The following DUSP4 variants were observed in gnomAD, a reference collection of about 807,000 sequenced individuals.
DUSP4 encodes the protein dual specificity phosphatase 4.
DUSP4 carries 12 observed loss-of-function variants against 27.2 expected under a neutral mutation model. The observed-to-expected ratio is 0.44, with a 90% CI of 0.28 to 0.71. The LOEUF (loss-of-function observed/expected upper bound fraction) is 0.71, where lower values mean the gene tolerates loss of function less well. Ranked by LOEUF, DUSP4 falls within the 30% of genes least tolerant of loss-of-function variation. The pLI, the probability that DUSP4 is intolerant of heterozygous loss-of-function variation, is 0.14. For missense variants in DUSP4, 448 were observed against 551.3 expected (o/e 0.81, Z 1.88); for synonymous variants, 257 against 245.2 (o/e 1.05, Z -0.45).
At chr8:29,346,653 C>G (rs1435446355) in intron 1 of DUSP4, among the ~76,000 whole-genome samples, 1 of 152,174 alleles carries the variant, frequency 6.6e-6, no homozygotes, top group Admixed American at 6.5e-5. Context: ...AAATCCTTTA[C>G]TAGCAAAGAT....
At chr8:29,348,217 G>A in intron 1 of DUSP4, 2 of 985,660 alleles carry the variant, frequency 2.0e-6, no homozygotes, top group Non-Finnish European at 2.4e-6. Flanking sequence ...GCAGCGCCGT[G>A]CGGGGAACAT....
At chr8:29,338,218 C>T in intron 3 of DUSP4, 64 bp downstream of exon 3, 1 of 1,549,022 alleles carries the variant, frequency 6.5e-7, no homozygotes, top group Non-Finnish European at 8.9e-7. Context: ...CCCAGGCTTA[C>T]AGGGGTTCCT....
At chr8:29,349,610 C>T (rs1817790869) in intron 1 of DUSP4, among the ~76,000 whole-genome samples, 1 of 152,234 alleles carries the variant, frequency 6.6e-6, no homozygotes, top group East Asian at 1.9e-4. Context: ...CTCGCTAGGA[C>T]GGTGCGGAAT....
rs1456901770 is a variant in DUSP4, at chr8:29,350,356, GGC to G, written c.-80_-79del. ...GCCGCCTAGGCTGCAGAAAGGGGCG[GGC>G]GAGAGCTAAGAAGGGACGCCTGCAG... On this transcript the variant is annotated 5_prime_UTR_variant, in exon 1 of 4. Transcript: ENST00000240100. 26 of 1,470,362 alleles carry G rather than the reference GGC, an allele frequency of 1.8e-5. No homozygotes were observed. The highest frequency in any genetic ancestry group is 2.1e-5 in the Non-Finnish European group (23 of 1,114,372). The allele number at this position is 1,470,362 out of a possible 1,614,324, so 91.1% of individuals were successfully genotyped here.
Position 29,349,946 on chromosome 8 carries a change from G to A in DUSP4, c.333C>T (p.Arg111=). ...CGCGGAGGCTCTCGGCGCGCGGGCT[G>A]CGCTCGTCGTAGACGATGACCGCCG... is the stretch of plus-strand genomic sequence containing the variant. ...LYSAVIVYDE[R]SPRAESLRED... Residue 111 remains arginine, a synonymous_variant, in exon 1 of 4, where the codon CGC becomes CGT. Transcript: ENST00000240100. 6.3e-7 allele frequency: 1 copy of A among 1,594,426 alleles called. No individual in the cohort carries two copies. Among genetic ancestry groups the A allele is most frequent in the Non-Finnish European group, 8.5e-7 (1 of 1,174,526 alleles).
rs778353226 is a variant in DUSP4 at position 29,336,086 on chromosome 8, T to C, written c.*940A>G. ...ACATAGTGAGATGCTGTCTTTTTTT[T>C]TCTTTTCTTTTTTTTTAAAAAAGCA... is the stretch of plus-strand genomic sequence containing the variant. On this transcript the variant is annotated 3_prime_UTR_variant, in exon 4 of 4. Coordinates refer to ENST00000240100, the MANE Select transcript of DUSP4 (RefSeq NM_001394.7). The C allele has an allele frequency of 2.0e-5, 3 of 152,124 alleles. No homozygotes were observed. Among genetic ancestry groups the C allele is most frequent in the Non-Finnish European group, 2.9e-5 (2 of 68,010 alleles). 9.4% of individuals were successfully genotyped at this position (152,124 alleles called of 1,614,324 possible). A position where few individuals can be genotyped will look rare whatever the true frequency, so the allele number is the denominator to read the frequency against.
intron 2 of DUSP4, among the ~76,000 whole-genome samples, chr8:29,339,834 C>CG (rs1249660475): frequency 1.4e-5 from 2 of 138,698 alleles, no homozygotes; most frequent in East Asian, 2.3e-4. Context: ...CAAGACCCCC[C>CG]CCCCCCATCT....
In DUSP4 at chr8:29,334,360, C is replaced by T. The variant is rs923190615; in HGVS notation, c.*2666G>A. 10 of 152,174 alleles carry T rather than the reference C, an allele frequency of 6.6e-5. No individual in the cohort carries two copies. Among genetic ancestry groups the T allele is most frequent in the African/African-American group, 2.2e-4 (9 of 41,428 alleles). The allele number at this position is 152,174 out of a possible 1,614,324, so 9.4% of individuals were successfully genotyped here. A position where few individuals can be genotyped will look rare whatever the true frequency, so the allele number is the denominator to read the frequency against. On this transcript the variant is annotated 3_prime_UTR_variant, in exon 4 of 4. Coordinates refer to ENST00000240100, the MANE Select transcript of DUSP4 (RefSeq NM_001394.7). ...TGTAAGTCATCCAAAAGGCTTCTGA[C>T]GAAAGAACAATTTTTAAAAAGTCCC...
Position 29,350,503 on chromosome 8 carries a change from G to A in DUSP4, c.-225C>T. 2 of 560,826 alleles carry A rather than the reference G, an allele frequency of 3.6e-6. No individual in the cohort carries two copies. Among genetic ancestry groups the A allele is most frequent in the South Asian group, 2.8e-5 (1 of 35,694 alleles). 34.7% of individuals were successfully genotyped at this position (560,826 alleles called of 1,614,324 possible). A position where few individuals can be genotyped will look rare whatever the true frequency, so the allele number is the denominator to read the frequency against. On this transcript the variant is annotated 5_prime_UTR_variant, in exon 1 of 4. Transcript: ENST00000240100. ...GGAGCGGCCTCGGGCGCCCAGCCGG[G>A]CGGCGCGCAGAGCGGAGGGGGAGGC...
chr8:29,344,690 C>T (rs1335816512), intron 1 of DUSP4, among the ~76,000 whole-genome samples: 1 of 152,186 alleles, frequency 6.6e-6, no homozygotes, highest in Non-Finnish European at 1.5e-5. Flanking sequence ...CCACCACACT[C>T]CCCCGTCCCT....
chr8:29,350,520 G>A lies in DUSP4; in HGVS notation c.-242C>T, dbSNP rs770896505. The A allele has an allele frequency of 1.9e-5, 10 of 531,262 alleles. No individual in the cohort carries two copies. The highest frequency in any genetic ancestry group is 2.9e-5 in the Non-Finnish European group (9 of 306,100). 32.9% of individuals were successfully genotyped at this position (531,262 alleles called of 1,614,324 possible). A position where few individuals can be genotyped will look rare whatever the true frequency, so the allele number is the denominator to read the frequency against. The stretch of plus-strand genomic sequence containing the variant: ...CCAGCCGGGCGGCGCGCAGAGCGGA[G>A]GGGGAGGCGCCGGTGGAGGAGAGTG... On this transcript the variant is annotated 5_prime_UTR_variant, in exon 1 of 4. Coordinates refer to ENST00000240100, the MANE Select transcript of DUSP4 (RefSeq NM_001394.7).
intron 2 of DUSP4, among the ~76,000 whole-genome samples, chr8:29,339,075 T>C (rs1482218363): frequency 5.9e-5 from 9 of 152,062 alleles, no homozygotes; most frequent in African/African-American, 2.2e-4. Context: ...CTCAGTTGCT[T>C]GGGAGGCTGA....
At chr8:29,345,922 T>C (rs950602577) in intron 1 of DUSP4, 21 of 1,002,194 alleles carry the variant, frequency 2.1e-5, no homozygotes, top group Non-Finnish European at 2.5e-5. Context: ...TTGTATTACA[T>C]TTGTAAGCAG....
rs1213440158 is a variant in DUSP4 at position 29,335,546 on chromosome 8, G to A, written c.*1480C>T. On this transcript the variant is annotated 3_prime_UTR_variant, in exon 4 of 4. Coordinates refer to ENST00000240100, the MANE Select transcript of DUSP4 (RefSeq NM_001394.7). ...TCCATTCCCCTCTTTATTCAAAAGA[G>A]GACCTTCAAAAATATTCACCTAACT... The A allele has an allele frequency of 1.3e-5, 2 of 152,126 alleles. No homozygotes were observed. Among genetic ancestry groups the A allele is most frequent in the African/African-American group, 4.8e-5 (2 of 41,408 alleles). 9.4% of individuals were successfully genotyped at this position (152,126 alleles called of 1,614,324 possible).
intron 1 of DUSP4, chr8:29,348,408 G>A (rs1317396053): frequency 1.0e-6 from 1 of 985,662 alleles, no homozygotes; most frequent in Non-Finnish European, 1.2e-6. Context: ...ACTTTCTCTT[G>A]GAGCGCTTTG....
At chr8:29,344,008 T>A (rs1419520809) in intron 1 of DUSP4, among the ~76,000 whole-genome samples, 48 of 152,200 alleles carry the variant, frequency 3.2e-4, no homozygotes, top group Non-Finnish European at 2.9e-5. Flanking sequence ...GGAAAGCTTA[T>A]TCTCATTGTC....
rs1418467796 is a variant in DUSP4, at chr8:29,334,340, G to A, written c.*2686C>T. The A allele has an allele frequency of 6.6e-6, 1 of 152,230 alleles. No homozygotes were observed. The highest frequency in any genetic ancestry group is 1.5e-5 in the Non-Finnish European group (1 of 68,050). The allele number at this position is 152,230 out of a possible 1,614,324, so 9.4% of individuals were successfully genotyped here. On this transcript the variant is annotated 3_prime_UTR_variant, in exon 4 of 4. Transcript: ENST00000240100. Reference sequence around the variant, plus strand: ...GGTATCTTCATCAGAGCTATTGTAAGTCATCCAAAAGGCTTCTGACGAAAG... The same window carrying A: ...GGTATCTTCATCAGAGCTATTGTAAATCATCCAAAAGGCTTCTGACGAAAG...
At position 29,336,683 on chromosome 8, in the gene DUSP4, T is replaced by C. The variant is rs941287651; in HGVS notation, c.*343A>G. On this transcript the variant is annotated 3_prime_UTR_variant, in exon 4 of 4. Coordinates refer to ENST00000240100, the MANE Select transcript of DUSP4 (RefSeq NM_001394.7). ...TTTAGTAAAGCTGGTTGGGCACATTTGCTAGGATCTGTGGGTTTCATCACT... is the reference window on the plus strand; with the variant it reads ...TTTAGTAAAGCTGGTTGGGCACATTCGCTAGGATCTGTGGGTTTCATCACT... 1.4e-5 allele frequency: 3 copies of C among 210,296 alleles called. No individual in the cohort carries two copies. Among genetic ancestry groups the C allele is most frequent in the African/African-American group, 6.9e-5 (3 of 43,364 alleles). 13.0% of individuals were successfully genotyped at this position (210,296 alleles called of 1,614,324 possible).
intron 2 of DUSP4, among the ~76,000 whole-genome samples, chr8:29,339,828 A>AT (rs1554634114): frequency 1.2e-5 from 1 of 85,250 alleles, no homozygotes; most frequent in Non-Finnish European, 2.4e-5. Context: ...ACATAGCAAG[A>AT]CCCCCCCCCC....
Sources: gnomAD v4.1 joint callset for allele counts (sites outside exome capture counted in the v4.1 genomes callset) on GRCh38, gnomAD v4.1.1 for gene constraint, MANE v1.5 for transcripts, NCBI Gene and HGNC (gene_info 2026-07-23, HGNC 2026-07-21) for gene names.